Variants in ST3GAL3 observed in about 807,000 individuals in gnomAD.
The protein encoded by ST3GAL3 is CMP-N-acetylneuraminate-beta-1,4-galactoside alpha-2,3-sialyltransferase.
In ST3GAL3, 21 loss-of-function variants were observed where a neutral mutation model predicts 50.1. That is an observed-to-expected ratio of 0.42 (90% CI 0.30 to 0.60). The LOEUF (loss-of-function observed/expected upper bound fraction) is 0.60. ST3GAL3 is among the 20% of genes least tolerant of loss of function. ST3GAL3 has a pLI of 0.19. For synonymous variants in ST3GAL3, 183 were observed against 190.0 expected, an observed-to-expected ratio of 0.96 and a Z score of 0.30; for missense variants, 353 against 489.4, an observed-to-expected ratio of 0.72 and a Z score of 2.63.
chr1:43,736,330 T>C lies in ST3GAL3; in HGVS notation c.68T>C (p.Leu23Ser), dbSNP rs780620759. 3 of 1,614,198 alleles carry C rather than the reference T, an allele frequency of 1.9e-6. No homozygotes were observed. Among genetic ancestry groups the C allele is most frequent in the Non-Finnish European group, 2.5e-6 (3 of 1,180,024 alleles). The change falls in exon 2 of 12, where the codon TTG becomes TCG. Residue 23 changes from leucine (L) to serine (S), a missense_variant. Leu to Ser is a moderately radical substitution (Grantham distance 145). Transcript: ENST00000347631. ...TGCCTCTTTCTGGTACTGGGATTTT[T>C]GTATTATTCTGCGTGGAAGCTACAC... is the stretch of plus-strand genomic sequence containing the variant. ...ALCLFLVLGF[L>S]YYSAWKLHLL...
intron 1 of ST3GAL3, among the ~76,000 whole-genome samples, chr1:43,734,757 G>A (rs1677639156): frequency 6.6e-6 from 1 of 151,920 alleles, no homozygotes; most frequent in Non-Finnish European, 1.5e-5. Context: ...TTTCCTAGGT[G>A]GACAATTATC....
At chr1:43,925,001 G>T (rs933318727) in intron 11 of ST3GAL3, among the ~76,000 whole-genome samples, 3 of 152,098 alleles carry the variant, frequency 2.0e-5, no homozygotes, top group African/African-American at 7.2e-5. Context: ...TAAGAGTGTG[G>T]CTTCTTGGCC....
chr1:43,851,492 G>A, intron 5 of ST3GAL3: 2 of 1,597,978 alleles, frequency 1.3e-6, no homozygotes, highest in Non-Finnish European at 1.7e-6. Flanking sequence ...TCCTGCCTTA[G>A]TATCTCTGGC....
rs12747049 is a variant in ST3GAL3, at chr1:43,927,460, C to T, written c.1039-2672C>T. ...CATCAAATGTCCAGTCCTCTGCTGA[C>T]CTTTTAACCCTCAATGACTCCTAGT... On this transcript the variant is annotated intron_variant, in intron 11 of 11. Coordinates refer to ENST00000347631, the MANE Select transcript of ST3GAL3 (RefSeq NM_006279.5). 2.3e-3 allele frequency among the ~76,000 whole-genome samples: 344 copies of T among 152,340 alleles called. 3 individuals are homozygous for T. The highest frequency in any genetic ancestry group is 0.011 in the South Asian group (53 of 4,830).
chr1:43,924,935 C>T lies in ST3GAL3; in HGVS notation c.1038+4007C>T, dbSNP rs138577747. Among the ~76,000 whole-genome samples the T allele has an allele frequency of 3.3e-5, 5 of 152,266 alleles. No individual in the cohort carries two copies. In the East Asian group the frequency reaches 9.7e-4, roughly 29 times the overall value. The stretch of plus-strand genomic sequence containing the variant: ...CATTGTCCCTCCATTACATGTAAAA[C>T]CTCACTGGCTCTGAGGCTCCCAGCA... On this transcript the variant is annotated intron_variant, in intron 11 of 11. Transcript: ENST00000347631.
chr1:43,733,099 A>G (rs554965772), intron 1 of ST3GAL3, among the ~76,000 whole-genome samples: 50 of 152,018 alleles, frequency 3.3e-4, no homozygotes, highest in African/African-American at 1.1e-3. Flanking sequence ...GGCTCAAGCA[A>G]TCTTCCCGCC....
At chr1:43,890,561 A>G (rs1205332814) in intron 5 of ST3GAL3, among the ~76,000 whole-genome samples, 1 of 152,212 alleles carries the variant, frequency 6.6e-6, no homozygotes, top group Non-Finnish European at 1.5e-5. Context: ...AAGGCCTGAT[A>G]AAAGAGAGAG....
chr1:43,774,006 C>G (rs1325753751), intron 2 of ST3GAL3, among the ~76,000 whole-genome samples: 1 of 152,174 alleles, frequency 6.6e-6, no homozygotes, highest in Non-Finnish European at 1.5e-5. Context: ...GGCCTGAACT[C>G]TTCAAAAGAA....
chr1:43,795,569 T>G (rs556569881), intron 3 of ST3GAL3, among the ~76,000 whole-genome samples: 1 of 152,220 alleles, frequency 6.6e-6, no homozygotes, highest in Non-Finnish European at 1.5e-5. Flanking sequence ...TTTACTGTTT[T>G]ATTTGGAGAG....
At chr1:43,782,437 T>C (rs1342588865) in intron 2 of ST3GAL3, among the ~76,000 whole-genome samples, 3 of 152,226 alleles carry the variant, frequency 2.0e-5, no homozygotes, top group Non-Finnish European at 4.4e-5. Flanking sequence ...TCTGTTGATA[T>C]CATTAATTTT....
At chr1:43,836,657 G>A (rs1234381635) in intron 4 of ST3GAL3, among the ~76,000 whole-genome samples, 1 of 152,232 alleles carries the variant, frequency 6.6e-6, no homozygotes, top group Non-Finnish European at 1.5e-5. Flanking sequence ...CAGGCCCAAG[G>A]GTGGGGGTGG....
chr1:43,900,115 C>T (rs543571119), intron 9 of ST3GAL3, among the ~76,000 whole-genome samples: 1 of 152,272 alleles, frequency 6.6e-6, no homozygotes, highest in East Asian at 1.9e-4. Flanking sequence ...CCTGCCCTGA[C>T]CTTGTAGCTG....
rs1403289122 is a variant in ST3GAL3 at position 43,920,151 on chromosome 1, A to G, written c.745-253A>G. The G allele has an allele frequency of 1.3e-5, 7 of 537,390 alleles. No individual in the cohort carries two copies. The South Asian group carries it at 1.4e-4, about 11-fold the overall frequency. 33.3% of individuals were successfully genotyped at this position (537,390 alleles called of 1,614,324 possible). ...GCATCCCACATCCTGTGCCTGCCCG[A>G]CGACTCCCTTCGTATCCTCCTCTGT... is the stretch of plus-strand genomic sequence containing the variant. On this transcript the variant is annotated intron_variant, in intron 9 of 11. Coordinates refer to ENST00000347631, the MANE Select transcript of ST3GAL3 (RefSeq NM_006279.5).
At chr1:43,735,736 T>G (rs1302535062) in intron 1 of ST3GAL3, among the ~76,000 whole-genome samples, 1 of 152,226 alleles carries the variant, frequency 6.6e-6, no homozygotes, top group Non-Finnish European at 1.5e-5. Flanking sequence ...TGTTTTAAAC[T>G]GCTAAGTTTG....
chr1:43,856,039 C>T lies in ST3GAL3; in HGVS notation c.302+17728C>T, dbSNP rs903821351. 5.9e-5 allele frequency among the ~76,000 whole-genome samples: 9 copies of T among 152,258 alleles called. No individual in the cohort carries two copies. The East Asian group carries it at 1.7e-3, about 29-fold the overall frequency. On this transcript the variant is annotated intron_variant, in intron 5 of 11. Transcript: ENST00000347631. The stretch of plus-strand genomic sequence containing the variant: ...TTGTGTACACCCAGGTTTACAACTG[C>T]GGTCATCTGAAATACTGTGACAGAC...
At chr1:43,856,092 A>T (rs1415408344) in intron 5 of ST3GAL3, among the ~76,000 whole-genome samples, 1 of 152,260 alleles carries the variant, frequency 6.6e-6, no homozygotes, top group African/African-American at 2.4e-5. Flanking sequence ...TGATCTCGTC[A>T]CATTCTTTTA....
intron 2 of ST3GAL3, among the ~76,000 whole-genome samples, chr1:43,770,562 T>G (rs1217934012): frequency 6.6e-6 from 1 of 151,746 alleles, no homozygotes; most frequent in African/African-American, 2.4e-5. Context: ...ACAGTTGTTG[T>G]TTTTTTTCTT....
chr1:43,716,053 T>C (rs72884951), intron 1 of ST3GAL3, among the ~76,000 whole-genome samples: 11,145 of 152,254 alleles, frequency 0.073, 1,371 homozygotes, highest in African/African-American at 0.26. Context: ...TTTATATCCT[T>C]CTGGTAACAA....
chr1:43,785,604 G>A (rs2057216455), intron 2 of ST3GAL3, among the ~76,000 whole-genome samples: 1 of 152,168 alleles, frequency 6.6e-6, no homozygotes, highest in African/African-American at 2.4e-5. Context: ...TTGTCTTGCT[G>A]CCCTCAACAG....
Sources: gnomAD v4.1 joint callset for allele counts (sites outside exome capture counted in the v4.1 genomes callset) on GRCh38, gnomAD v4.1.1 for gene constraint, MANE v1.5 for transcripts, NCBI Gene and HGNC (gene_info 2026-07-23, HGNC 2026-07-21) for gene names.